RNH1: variants seen among roughly 807,000 people sequenced by gnomAD.
RNH1 encodes ribonuclease/angiogenin inhibitor 1, also known as ribonuclease inhibitor.
Under a neutral mutation model 46.1 loss-of-function variants are expected in RNH1, and 38 were observed. That is an observed-to-expected ratio of 0.82 (90% CI 0.64 to 1.08). RNH1 has a LOEUF of 1.08. RNH1 is among the 50% of genes least tolerant of loss of function. The probability of loss-of-function intolerance (pLI) is 0.00; values close to 1 mark genes in which losing one functional copy is unlikely to be tolerated. For missense variants in RNH1, 577 were observed against 590.7 expected (o/e 0.98, Z 0.24); for synonymous variants, 319 against 279.1 (o/e 1.14, Z -1.43).
intron 9 of RNH1, among the ~76,000 whole-genome samples, chr11:497,178 C>G (rs1356148828): frequency 2.0e-5 from 3 of 147,736 alleles, no homozygotes; most frequent in Non-Finnish European, 4.5e-5. Context: ...TGTGCTCACA[C>G]ACGGACACTC....
At position 499,855 on chromosome 11, in the gene RNH1, G is replaced by T. The variant is rs560275252; in HGVS notation, c.417C>A (p.Asp139Glu). 1.2e-6 allele frequency: 2 copies of T among 1,611,546 alleles called. No homozygotes were observed. Among genetic ancestry groups the T allele is most frequent in the Non-Finnish European group, 1.7e-6 (2 of 1,178,954 alleles). Residue 139 changes from aspartate to glutamate, a missense_variant, in exon 5 of 11, where the codon GAC becomes GAA. Physicochemically the swap from Asp to Glu is conservative, Grantham distance 45 (BLOSUM62 2). Coordinates refer to ENST00000354420, the MANE Select transcript of RNH1 (RefSeq NM_203387.3). ...GCAGCTTTTCCAGGCGGCACTGGGG[G>T]TCCAGGAGTCCTTCGCAGAGCAGCT... ...GLQLLCEGLL[D>E]PQCRLEKLQL...
At chr11:496,938 T>C (rs1181667694) in intron 9 of RNH1, among the ~76,000 whole-genome samples, 1 of 152,272 alleles carries the variant, frequency 6.6e-6, no homozygotes, top group Non-Finnish European at 1.5e-5. Flanking sequence ...TCCGTGAAGC[T>C]CTCAGGCTTC....
intron 5 of RNH1, 112 bp downstream of exon 5, chr11:499,717 C>CAGACCCAGCATCA (rs1236083424): frequency 6.7e-6 from 9 of 1,340,834 alleles, no homozygotes; most frequent in Admixed American, 5.3e-5. Context: ...CACAAGGCCC[C>CAGACCCAGCATCA]TGTGACCTGA....
rs896537228 is a variant in RNH1 at position 504,818 on chromosome 11, G to A, written c.-88+6C>T. The A allele has an allele frequency of 5.3e-5, 8 of 152,244 alleles. No homozygotes were observed. 9.4% of individuals were successfully genotyped at this position (152,244 alleles called of 1,614,324 possible). On this transcript the variant is annotated splice_donor_region_variant and intron_variant, in intron 2 of 10. Coordinates refer to ENST00000354420, the MANE Select transcript of RNH1 (RefSeq NM_203387.3). The stretch of plus-strand genomic sequence containing the variant: ...GGAATTGCCCAAACAATAAAATAAA[G>A]CAAACCTGAGACACCCCTTTTTGCT...
chr11:497,984 G>A lies in RNH1; in HGVS notation c.1114C>T (p.Leu372=), dbSNP rs948888750. ...CQGLGQPGSV[L]RVLWLADCDV... ...TCACACACTCACCAGAGCACCCGCA[G>A]CACAGAGCCAGGCTGGCCCAGGCCC... Residue 372 remains leucine (L), a synonymous_variant, in exon 9 of 11, where the codon CTG becomes TTG. Coordinates refer to ENST00000354420, the MANE Select transcript of RNH1 (RefSeq NM_203387.3). 73 of 1,613,588 alleles carry A rather than the reference G, an allele frequency of 4.5e-5. No homozygotes were observed. Among genetic ancestry groups the A allele is most frequent in the Non-Finnish European group, 6.1e-5 (72 of 1,179,738 alleles).
In RNH1 at chr11:494,783, A is replaced by AC. The variant is rs749849113; in HGVS notation, c.1299-6dup. On this transcript the variant is annotated splice_region_variant and splice_polypyrimidine_tract_variant and intron_variant, in intron 10 of 10. Transcript: ENST00000354420. ...GACCAGTAAATGTCGTACAGGCTGCACACAGGCCAGAAGGGAGGCATGGGC... is the reference window on the plus strand; with the variant it reads ...GACCAGTAAATGTCGTACAGGCTGCACCACAGGCCAGAAGGGAGGCATGGGC... 1.9e-6 allele frequency: 3 copies of AC among 1,613,754 alleles called. No individual in the cohort carries two copies. The highest frequency in any genetic ancestry group is 2.7e-5 in the African/African-American group (2 of 74,938).
rs778254166 is a variant in RNH1, at chr11:494,743, T to C, written c.1334A>G (p.Asp445Gly). 1.2e-6 allele frequency: 2 copies of C among 1,613,874 alleles called. No homozygotes were observed. Among genetic ancestry groups the C allele is most frequent in the South Asian group, 2.2e-5 (2 of 91,082 alleles). ...GTCCTTCTCCAGGGCCTGCAGCCGG[T>C]CCTCCATCTCCTCAGACCAGTAAAT... ...YDIYWSEEME[D>G]RLQALEKDKP... The change falls in exon 11 of 11, where the codon GAC becomes GGC. Residue 445 changes from aspartate (D) to glycine (G), a missense_variant. Asp to Gly is a moderately conservative substitution (Grantham distance 94). Coordinates refer to ENST00000354420, the MANE Select transcript of RNH1 (RefSeq NM_203387.3).
At chr11:500,193 A>G in intron 4 of RNH1, 194 bp from the exon 5 acceptor site, 1 of 703,214 alleles carries the variant, frequency 1.4e-6, no homozygotes, top group Admixed American at 2.9e-5. Flanking sequence ...ACCCAGGGAA[A>G]CCTTGTCTGC....
Position 504,983 on chromosome 11 carries a change from A to G in RNH1, c.-247T>C, listed in dbSNP as rs909422237. On this transcript the variant is annotated 5_prime_UTR_variant, in exon 2 of 11. Coordinates refer to ENST00000354420, the MANE Select transcript of RNH1 (RefSeq NM_203387.3). ...ACACACCCTCCGTTTCTGTCAGTCA[A>G]GAGTTCTTCATGCCTGAGCTCGGGA... 6 of 152,266 alleles carry G rather than the reference A, an allele frequency of 3.9e-5. No homozygotes were observed. The South Asian group carries it at 6.2e-4, about 16-fold the overall frequency. The allele number at this position is 152,266 out of a possible 1,614,324, so 9.4% of individuals were successfully genotyped here.
chr11:495,198 C>T (rs908462692), intron 9 of RNH1, 145 bp from the exon 10 acceptor site: 9 of 817,740 alleles, frequency 1.1e-5, no homozygotes, highest in Admixed American at 2.7e-5. Context: ...CAAGGCTCAC[C>T]GTCCCTGTGG....
chr11:503,890 C>T (rs1364295356), intron 2 of RNH1, among the ~76,000 whole-genome samples: 1 of 152,198 alleles, frequency 6.6e-6, no homozygotes, highest in Non-Finnish European at 1.5e-5. Context: ...CTGTGGGTCA[C>T]GGATCCCACT....
At position 497,899 on chromosome 11, in the gene RNH1, C is replaced by T. The variant is rs192113968; in HGVS notation, c.1127+72G>A. On this transcript the variant is annotated intron_variant, in intron 9 of 10. Transcript: ENST00000354420. Reference sequence around the variant, plus strand: ...TCGTGCTCACACAGATACTCGTGCACTCTCGCCCTTGTGTGCACACACGGG... The same window carrying T: ...TCGTGCTCACACAGATACTCGTGCATTCTCGCCCTTGTGTGCACACACGGG... 2.0e-6 allele frequency: 3 copies of T among 1,535,748 alleles called. No individual in the cohort carries two copies. The Admixed American group carries it at 5.5e-5, about 28-fold the overall frequency.
At position 494,974 on chromosome 11, in the gene RNH1, G is replaced by T; in HGVS notation, c.1207C>A (p.Leu403Met). ...TLLANHSLRE[L>M]DLSNNCLGDA... is the part of the protein sequence containing the mutation. The stretch of plus-strand genomic sequence containing the variant: ...CCCAGGCAGTTGTTGCTGAGGTCCA[G>T]CTCACGCAGGCTGTGGTTGGCCAAC... The change falls in exon 10 of 11, where the codon CTG becomes ATG. Residue 403 changes from leucine (L) to methionine (M), a missense_variant. By Grantham distance (15) the Leu-to-Met change is conservative. Coordinates refer to ENST00000354420, the MANE Select transcript of RNH1 (RefSeq NM_203387.3). 6.2e-7 allele frequency: 1 copy of T among 1,606,156 alleles called. No homozygotes were observed. Among genetic ancestry groups the T allele is most frequent in the East Asian group, 2.2e-5 (1 of 44,626 alleles).
At chr11:498,261 A>C in intron 8 of RNH1, 120 bp from the exon 9 acceptor site, 2 of 1,291,294 alleles carry the variant, frequency 1.5e-6, no homozygotes, top group South Asian at 2.9e-5. Flanking sequence ...GCCTCCCAGC[A>C]AGTGGGCACC....
Position 494,914 on chromosome 11 carries a change from G to A in RNH1, c.1267C>T (p.Arg423Trp), listed in dbSNP as rs768887568. ...TGCTCCAGGAGGCAGCCCGGCTGCC[G>A]GACGCTCTCCACCAGCTGCAGGATG... ...AGILQLVESVRQPGCLLEQLV... is the reference protein window; with the variant it reads ...AGILQLVESVWQPGCLLEQLV... Residue 423 changes from arginine to tryptophan, a missense_variant, in exon 10 of 11, where the codon CGG (arginine) becomes TGG (tryptophan). By Grantham distance (101) the Arg-to-Trp change is moderately radical. Transcript: ENST00000354420. 44 of 1,610,900 alleles carry A rather than the reference G, an allele frequency of 2.7e-5. No homozygotes were observed. Among genetic ancestry groups the A allele is most frequent in the Admixed American group, 2.5e-4 (15 of 59,602 alleles).
chr11:499,939 G>C lies in RNH1; in HGVS notation c.333C>G (p.Thr111=). The change falls in exon 5 of 11, where the codon ACC becomes ACG. Residue 111 remains threonine, a synonymous_variant. Transcript: ENST00000354420. ...GGTGCAGCTCCTGCAGGGTGGGCAG[G>C]GTGCGTAGTGTGCTGGACAGGACCC... is the stretch of plus-strand genomic sequence containing the variant. ...GCGVLSSTLR[T]LPTLQELHLS... is the part of the protein sequence containing the mutation. 6.2e-7 allele frequency: 1 copy of C among 1,611,342 alleles called. No individual in the cohort carries two copies.
chr11:500,441 G>A (rs1233695548), intron 4 of RNH1, 43 bp downstream of exon 4: 3 of 1,576,292 alleles, frequency 1.9e-6, no homozygotes, highest in Non-Finnish European at 2.6e-6. Context: ...GGCTACCAAA[G>A]CAGACTGCAC....
At position 500,017 on chromosome 11, in the gene RNH1, G is replaced by A; in HGVS notation, c.273-18C>T. On this transcript the variant is annotated intron_variant, in intron 4 of 10. Coordinates refer to ENST00000354420, the MANE Select transcript of RNH1 (RefSeq NM_203387.3). The stretch of plus-strand genomic sequence containing the variant: ...TCTGGAGGCTGGAGCATACCTGGCT[G>A]TCAGCAGGGCTCCCCTGAGCCAAGC... 6.5e-7 allele frequency: 1 copy of A among 1,527,686 alleles called. No homozygotes were observed. The highest frequency in any genetic ancestry group is 8.8e-7 in the Non-Finnish European group (1 of 1,138,308). The allele number at this position is 1,527,686 out of a possible 1,614,324, so 94.6% of individuals were successfully genotyped here.
intron 9 of RNH1, among the ~76,000 whole-genome samples, chr11:497,319 A>C (rs1849210640): frequency 7.2e-6 from 1 of 139,530 alleles, no homozygotes. Context: ...TCACACACGG[A>C]CCCTCGTGCT....
Sources: gnomAD v4.1 joint callset for allele counts (sites outside exome capture counted in the v4.1 genomes callset) on GRCh38, gnomAD v4.1.1 for gene constraint, MANE v1.5 for transcripts, NCBI Gene and HGNC (gene_info 2026-07-23, HGNC 2026-07-21) for gene names.